MKLN1: variants seen among roughly 807,000 people sequenced by gnomAD.
MKLN1 encodes the protein muskelin.
MKLN1 carries 18 observed loss-of-function variants against 99.0 expected under a neutral mutation model. That is an observed-to-expected ratio of 0.18 (90% CI 0.13 to 0.27). The LOEUF (loss-of-function observed/expected upper bound fraction) is 0.27, where lower values mean the gene tolerates loss of function less well. MKLN1 is among the 10% of genes least tolerant of loss of function. MKLN1 has a pLI of 1.00. For missense variants in MKLN1, 621 were observed against 875.9 expected, an observed-to-expected ratio of 0.71 and a Z score of 3.67; for synonymous variants, 288 against 293.2, an observed-to-expected ratio of 0.98 and a Z score of 0.18.
chr7:131,174,995 A>G (rs1321410919), intron 2 of MKLN1, among the ~76,000 whole-genome samples: 2 of 149,200 alleles, frequency 1.3e-5, no homozygotes, highest in African/African-American at 5.0e-5. Context: ...AGATAGATAG[A>G]TAGATAGATA....
intron 3 of MKLN1, among the ~76,000 whole-genome samples, chr7:131,238,138 C>A (rs1797351577): frequency 1.3e-5 from 2 of 151,890 alleles, no homozygotes; most frequent in African/African-American, 4.8e-5. Flanking sequence ...CAGAGTGAGA[C>A]CCTGTCTCAA....
chr7:131,492,745 A>T lies in MKLN1; in HGVS notation c.*5017A>T, dbSNP rs970043219. On this transcript the variant is annotated 3_prime_UTR_variant, in exon 18 of 18. Coordinates refer to ENST00000352689, the MANE Select transcript of MKLN1 (RefSeq NM_013255.5). ...GCAAGACCCTGTCTCAAAAAAAAAA[A>T]AAAAAAAAGAATGTGAATTTAGCTC... The T allele has an allele frequency of 3.3e-5, 5 of 151,624 alleles. No homozygotes were observed. The highest frequency in any genetic ancestry group is 7.3e-5 in the Non-Finnish European group (5 of 68,940). 9.4% of individuals were successfully genotyped at this position (151,624 alleles called of 1,614,324 possible). A position where few individuals can be genotyped will look rare whatever the true frequency, so the allele number is the denominator to read the frequency against.
At chr7:131,326,467 C>T (rs1324686502), upstream of MKLN1, among the ~76,000 whole-genome samples, 1 of 152,160 alleles carries the variant, frequency 6.6e-6, no homozygotes, top group East Asian at 1.9e-4. Flanking sequence ...GCCTCGGCCT[C>T]CCAAGTAGCT....
chr7:131,209,866 G>T (rs2116428389), intron 3 of MKLN1, among the ~76,000 whole-genome samples: 1 of 152,150 alleles, frequency 6.6e-6, no homozygotes, highest in Admixed American at 6.5e-5. Context: ...GCAATAGTTG[G>T]ACCTATGGCA....
intron 3 of MKLN1, among the ~76,000 whole-genome samples, chr7:131,296,481 G>A (rs1798293787): frequency 1.3e-5 from 2 of 152,144 alleles, no homozygotes; most frequent in East Asian, 1.9e-4. Flanking sequence ...GAGTGGGAAC[G>A]AGATTTTTCC....
intron 3 of MKLN1, among the ~76,000 whole-genome samples, chr7:131,224,724 A>G (rs1797115468): frequency 1.3e-5 from 2 of 151,678 alleles, no homozygotes. Flanking sequence ...CCCTGTCTCA[A>G]AAAAAAACCC....
chr7:131,301,236 C>T (rs1798373274), intron 3 of MKLN1, among the ~76,000 whole-genome samples: 1 of 152,112 alleles, frequency 6.6e-6, no homozygotes, highest in African/African-American at 2.4e-5. Context: ...ATATGTTCAC[C>T]AGAGAATCCC....
At chr7:131,269,623 A>G (rs1167528293) in intron 3 of MKLN1, among the ~76,000 whole-genome samples, 2 of 152,078 alleles carry the variant, frequency 1.3e-5, no homozygotes, top group African/African-American at 4.8e-5. Context: ...TTCTCGATCA[A>G]TGTATTTTTC....
At chr7:131,321,365 G>C (rs1185723989) in intron 3 of MKLN1, among the ~76,000 whole-genome samples, 5 of 152,158 alleles carry the variant, frequency 3.3e-5, no homozygotes, top group Admixed American at 3.3e-4. Context: ...TAATAAGTGG[G>C]AGATGAACAA....
chr7:131,140,136 A>C (rs1382736117), intron 1 of MKLN1, among the ~76,000 whole-genome samples: 1 of 152,202 alleles, frequency 6.6e-6, no homozygotes, highest in Non-Finnish European at 1.5e-5. Flanking sequence ...GCTCTCTGCC[A>C]AACTGGTCAG....
At chr7:131,448,349 TGTA>T (rs766053651) in intron 12 of MKLN1, among the ~76,000 whole-genome samples, 7 of 152,376 alleles carry the variant, frequency 4.6e-5, no homozygotes, top group Non-Finnish European at 1.0e-4. Flanking sequence ...GTTAAAATTA[TGTA>T]GTAATGTACA....
intron 3 of MKLN1, among the ~76,000 whole-genome samples, chr7:131,290,326 A>G (rs1798198755): frequency 6.6e-6 from 1 of 152,226 alleles, no homozygotes; most frequent in African/African-American, 2.4e-5. Context: ...ATAAATAAAA[A>G]TGAAATTGCA....
intron 1 of MKLN1, among the ~76,000 whole-genome samples, chr7:131,357,939 G>A (rs1336236180): frequency 2.0e-5 from 3 of 152,078 alleles, no homozygotes; most frequent in East Asian, 1.9e-4. Flanking sequence ...AAACCTTGCT[G>A]TAATCATTCA....
At chr7:131,384,810 A>C (rs1177367849) in intron 2 of MKLN1, among the ~76,000 whole-genome samples, 3 of 152,260 alleles carry the variant, frequency 2.0e-5, no homozygotes, top group African/African-American at 7.2e-5. Context: ...ATAAGAAGTT[A>C]GTGCTCACAA....
intron 3 of MKLN1, among the ~76,000 whole-genome samples, chr7:131,271,868 C>T (rs1223598385): frequency 6.6e-6 from 1 of 151,416 alleles, no homozygotes; most frequent in East Asian, 1.9e-4. Context: ...GAGATTGTGC[C>T]ACTGCACTCC....
At chr7:131,192,250 A>G (rs1796570847) in intron 2 of MKLN1, among the ~76,000 whole-genome samples, 1 of 95,362 alleles carries the variant, frequency 1.0e-5, no homozygotes, top group African/African-American at 4.7e-5. Flanking sequence ...TATATAAAAT[A>G]TAATATATAC....
intron 2 of MKLN1, among the ~76,000 whole-genome samples, chr7:131,191,193 A>C (rs746886646): frequency 6.6e-5 from 10 of 152,346 alleles, no homozygotes; most frequent in Admixed American, 5.9e-4. Context: ...CTAAAAGTAG[A>C]ACTGGATGTT....
Position 131,212,934 on chromosome 7 carries a change from A to AT in MKLN1, c.-179+9960_-179+9961insT, listed in dbSNP as rs1237313408. ...GCAAAACTCCGTCTCAAAAAAAAAA[A>AT]ACAAAAAACACCTACCTTAACAGAT... On this transcript the variant is annotated intron_variant, in intron 3 of 7. Transcript: ENST00000416992. 1.3e-3 allele frequency among the ~76,000 whole-genome samples: 188 copies of AT among 144,752 alleles called. 3 individuals carry two copies. Among genetic ancestry groups the AT allele is most frequent in the Admixed American group, 0.012 (177 of 14,680 alleles). The allele number at this position is 144,752 out of a possible 152,430, so 95.0% of individuals were successfully genotyped here. A position where few individuals can be genotyped will look rare whatever the true frequency, so the allele number is the denominator to read the frequency against.
intron 1 of MKLN1, among the ~76,000 whole-genome samples, chr7:131,374,523 C>G (rs1793576689): frequency 6.6e-6 from 1 of 152,120 alleles, no homozygotes; most frequent in African/African-American, 2.4e-5. Flanking sequence ...ACCTGGCTCC[C>G]ACATTTACCA....
Sources: allele counts gnomAD v4.1 joint callset (sites outside exome capture counted in the v4.1 genomes callset), GRCh38; gene constraint gnomAD v4.1.1; transcripts MANE v1.5; gene names NCBI Gene and HGNC (gene_info 2026-07-23, HGNC 2026-07-21).